SLIT2: variants seen among roughly 807,000 people sequenced by gnomAD.
The protein encoded by SLIT2 is slit guidance ligand 2.
A neutral mutation model predicts 185.7 loss-of-function variants in SLIT2; 41 were observed. The observed-to-expected ratio is 0.22, with a 90% CI of 0.17 to 0.29. The LOEUF (loss-of-function observed/expected upper bound fraction) is 0.29. SLIT2 is among the 10% of genes least tolerant of loss of function. SLIT2 has a pLI of 1.00. For missense variants in SLIT2, 1,571 were observed against 1,909.0 expected, an observed-to-expected ratio of 0.82 and a Z score of 3.30; for synonymous variants, 693 against 680.2, an observed-to-expected ratio of 1.02 and a Z score of -0.29.
At chr4:20,420,010 A>G (rs1192485498) in intron 4 of SLIT2, among the ~76,000 whole-genome samples, 1 of 152,180 alleles carries the variant, frequency 6.6e-6, no homozygotes. Context: ...GGTTCTTGAA[A>G]TAAAATAGGG....
chr4:20,448,611 G>A (rs888684636), intron 4 of SLIT2, among the ~76,000 whole-genome samples: 1 of 151,960 alleles, frequency 6.6e-6, no homozygotes, highest in African/African-American at 2.4e-5. Context: ...ATGAGCCACT[G>A]CAGCTGGCCC....
At chr4:20,469,158 C>G (rs889080810) in intron 5 of SLIT2, among the ~76,000 whole-genome samples, 1 of 152,154 alleles carries the variant, frequency 6.6e-6, no homozygotes, top group South Asian at 2.1e-4. Flanking sequence ...CTCAATGATA[C>G]ACAGTGTTCA....
At chr4:20,388,635 G>A (rs1474680477) in intron 4 of SLIT2, among the ~76,000 whole-genome samples, 4 of 151,600 alleles carry the variant, frequency 2.6e-5, no homozygotes, top group South Asian at 2.1e-4. Flanking sequence ...TTAACCAGGC[G>A]TGGTGGCGTG....
intron 33 of SLIT2, among the ~76,000 whole-genome samples, chr4:20,601,958 G>T (rs1285351458): frequency 6.6e-6 from 1 of 152,068 alleles, no homozygotes; most frequent in Non-Finnish European, 1.5e-5. Context: ...TACCTCAGGT[G>T]CATCATTTCA....
At chr4:20,351,902 G>T (rs997698530) in intron 4 of SLIT2, among the ~76,000 whole-genome samples, 1 of 152,162 alleles carries the variant, frequency 6.6e-6, no homozygotes, top group Non-Finnish European at 1.5e-5. Flanking sequence ...TCTGATGGGG[G>T]TGTTGATAGC....
intron 4 of SLIT2, among the ~76,000 whole-genome samples, chr4:20,446,412 A>C (rs1711801175): frequency 6.6e-6 from 1 of 152,218 alleles, no homozygotes; most frequent in Non-Finnish European, 1.5e-5. Flanking sequence ...TTTAAACGAC[A>C]GATGATGTAG....
At chr4:20,546,359 A>C (rs1723253024) in intron 22 of SLIT2, among the ~76,000 whole-genome samples, 1 of 152,148 alleles carries the variant, frequency 6.6e-6, no homozygotes, top group South Asian at 2.1e-4. Flanking sequence ...GAGAATTATG[A>C]AAATGTATAA....
At chr4:20,294,096 C>T (rs1396712541) in intron 4 of SLIT2, among the ~76,000 whole-genome samples, 1 of 151,760 alleles carries the variant, frequency 6.6e-6, no homozygotes, top group Non-Finnish European at 1.5e-5. Context: ...GCCTGTAATC[C>T]CAGCAGTTTG....
intron 29 of SLIT2, among the ~76,000 whole-genome samples, chr4:20,587,771 G>A (rs896101174): frequency 3.3e-5 from 5 of 152,172 alleles, no homozygotes; most frequent in African/African-American, 1.2e-4. Flanking sequence ...ACAACATCAC[G>A]TAGTAAATCC....
intron 4 of SLIT2, among the ~76,000 whole-genome samples, chr4:20,327,698 G>A (rs1719713698): frequency 6.6e-6 from 1 of 151,886 alleles, no homozygotes; most frequent in Non-Finnish European, 1.5e-5. Context: ...ACCAAATTAA[G>A]TAATAAATAT....
At chr4:20,273,701 T>G (rs930285501) in intron 4 of SLIT2, among the ~76,000 whole-genome samples, 1 of 152,184 alleles carries the variant, frequency 6.6e-6, no homozygotes, top group Non-Finnish European at 1.5e-5. Context: ...ATAAAATGTT[T>G]TATAAAACGA....
chr4:20,422,170 C>G (rs1728220118), intron 4 of SLIT2, among the ~76,000 whole-genome samples: 1 of 152,036 alleles, frequency 6.6e-6, no homozygotes, highest in Non-Finnish European at 1.5e-5. Context: ...AAAAAAATTG[C>G]AAATTGCGTG....
At chr4:20,355,393 C>G (rs936504045) in intron 4 of SLIT2, among the ~76,000 whole-genome samples, 3 of 152,040 alleles carry the variant, frequency 2.0e-5, no homozygotes, top group African/African-American at 7.2e-5. Flanking sequence ...ACAGAAAGTC[C>G]AGTTTTATTT....
At chr4:20,603,487 T>A (rs1022488767) in intron 33 of SLIT2, among the ~76,000 whole-genome samples, 19 of 152,236 alleles carry the variant, frequency 1.2e-4, no homozygotes, top group African/African-American at 4.3e-4. Flanking sequence ...AATAATCTGC[T>A]CTTTCAAAGT....
chr4:20,336,088 A>G (rs1187057167), intron 4 of SLIT2, among the ~76,000 whole-genome samples: 4 of 152,146 alleles, frequency 2.6e-5, no homozygotes, highest in African/African-American at 7.2e-5. Context: ...TTTCCATTCC[A>G]TGATGACATT....
chr4:20,584,959 G>A (rs548275833), intron 29 of SLIT2, among the ~76,000 whole-genome samples: 3 of 152,048 alleles, frequency 2.0e-5, no homozygotes, highest in African/African-American at 7.2e-5. Context: ...GGAGGCTGAG[G>A]CAGGAGAATC....
In SLIT2 at chr4:20,610,041, C is replaced by A; in HGVS notation, c.3721C>A (p.His1241Asn). ...SVETINDGNF[H>N]IVELLALDQS... ...GGAGACAATCAATGATGGAAACTTCCACATTGTGGAACTACTTGCCTTGGA... is the reference window on the plus strand; with the variant it reads ...GGAGACAATCAATGATGGAAACTTCAACATTGTGGAACTACTTGCCTTGGA... Residue 1241 changes from histidine to asparagine, a missense_variant, in exon 34 of 37, where the codon CAC (histidine) becomes AAC (asparagine). By Grantham distance (68) the His-to-Asn change is moderately conservative (BLOSUM62 1). This residue lies in a region of SLIT2 where 146 missense variants were observed against 247.4 expected (regional missense o/e 0.59). Transcript: ENST00000504154. 1 of 1,613,112 alleles carries A rather than the reference C, an allele frequency of 6.2e-7. No homozygotes were observed. Among genetic ancestry groups the A allele is most frequent in the Non-Finnish European group, 8.5e-7 (1 of 1,179,514 alleles).
chr4:20,446,363 C>T (rs540055744), intron 4 of SLIT2, among the ~76,000 whole-genome samples: 25 of 152,262 alleles, frequency 1.6e-4, no homozygotes, highest in African/African-American at 6.0e-4. Flanking sequence ...ACACCACTTC[C>T]ACATAAAAAT....
rs536525045 is a variant in SLIT2 at position 20,272,993 on chromosome 4, TG to T, written c.395+4114del. ...ATAGGTTTTGACTGCTTAATTTCAT[TG>T]GCCAGGTCATAATTCATTATCTCTC... is the stretch of plus-strand genomic sequence containing the variant. On this transcript the variant is annotated intron_variant, in intron 4 of 36. Transcript: ENST00000504154. Among the ~76,000 whole-genome samples the T allele has an allele frequency of 1.2e-4, 18 of 152,266 alleles. No homozygotes were observed. The South Asian group carries it at 3.7e-3, about 32-fold the overall frequency.
Sources: gnomAD v4.1 joint callset for allele counts (sites outside exome capture counted in the v4.1 genomes callset) on GRCh38, gnomAD v4.1.1 for gene constraint, gnomAD v4.1.1 regional missense constraint, MANE v1.5 for transcripts, NCBI Gene and HGNC (gene_info 2026-07-23, HGNC 2026-07-21) for gene names.